ULK4: variants seen among roughly 807,000 people sequenced by gnomAD.
ULK4 encodes inactive serine/threonine-protein kinase ULK4.
A neutral mutation model predicts 160.6 loss-of-function variants in ULK4; 133 were observed. The ratio of observed to expected loss-of-function variants is 0.83; its 90% CI spans 0.72 to 0.96. The LOEUF (loss-of-function observed/expected upper bound fraction) is 0.96. Ranked by LOEUF, ULK4 falls within the 40% of genes least tolerant of loss-of-function variation. ULK4 has a pLI of 0.00. For synonymous variants in ULK4, 534 were observed against 539.8 expected (o/e 0.99, Z 0.15); for missense variants, 1,580 against 1,499.5 (o/e 1.05, Z -0.89).
intron 31 of ULK4, among the ~76,000 whole-genome samples, chr3:41,598,136 A>C (rs980411434): frequency 2.0e-5 from 3 of 152,164 alleles, no homozygotes; most frequent in African/African-American, 7.2e-5. Context: ...ATCAAAGCAG[A>C]GATGTCCTGG....
At chr3:41,703,833 T>G (rs1014193858) in intron 27 of ULK4, among the ~76,000 whole-genome samples, 3 of 93,306 alleles carry the variant, frequency 3.2e-5, no homozygotes, top group African/African-American at 1.2e-4. Flanking sequence ...TTAATGCGCA[T>G]GCACACACAC....
At chr3:41,458,508 G>A (rs367559208) in intron 33 of ULK4, among the ~76,000 whole-genome samples, 10 of 152,034 alleles carry the variant, frequency 6.6e-5, no homozygotes, top group Admixed American at 4.6e-4. Flanking sequence ...AGGCCGAGGC[G>A]GGTGGCCTGT....
intron 31 of ULK4, among the ~76,000 whole-genome samples, chr3:41,569,405 C>A (rs1326976952): frequency 3.3e-5 from 5 of 152,232 alleles, no homozygotes; most frequent in Non-Finnish European, 7.4e-5. Flanking sequence ...AAGACAGCAC[C>A]TGAAGACAGA....
chr3:41,769,791 T>A (rs1000834425), intron 21 of ULK4, among the ~76,000 whole-genome samples: 1 of 152,148 alleles, frequency 6.6e-6, no homozygotes, highest in African/African-American at 2.4e-5. Flanking sequence ...AAGGCAAATA[T>A]TAGATGGTAA....
At position 41,919,699 on chromosome 3, in the gene ULK4, T is replaced by G. The variant is rs1431337418; in HGVS notation, c.643+18A>C. On this transcript the variant is annotated intron_variant, in intron 6 of 36. Transcript: ENST00000301831. ...TTTAGTCCAGCTCTGATTTTATACC[T>G]ATTCAGGAAACAATTACCTGAAAAC... The G allele has an allele frequency of 6.3e-7, 1 of 1,598,718 alleles. No individual in the cohort carries two copies.
At chr3:41,257,649 AT>A (rs754850391) in intron 35 of ULK4, among the ~76,000 whole-genome samples, 273 of 145,728 alleles carry the variant, frequency 1.9e-3, no homozygotes, top group Non-Finnish European at 3.3e-3. Context: ...AAAAAAAAAA[AT>A]TAAACATAGT....
intron 32 of ULK4, among the ~76,000 whole-genome samples, chr3:41,508,008 T>C (rs2085452264): frequency 6.6e-6 from 1 of 152,214 alleles, no homozygotes; most frequent in Non-Finnish European, 1.5e-5. Context: ...GTTGGCTTGC[T>C]TTCTCAGCAG....
At position 41,250,324 on chromosome 3, in the gene ULK4, C is replaced by A. The variant is rs192618882; in HGVS notation, c.3679-750G>T. Among the ~76,000 whole-genome samples, 26 of 152,308 alleles carry A rather than the reference C, an allele frequency of 1.7e-4. No homozygotes were observed. In the East Asian group the frequency reaches 5.0e-3, roughly 29 times the overall value. On this transcript the variant is annotated intron_variant, in intron 35 of 36. Coordinates refer to ENST00000301831, the MANE Select transcript of ULK4 (RefSeq NM_017886.4). ...TGCTTCTCTTAATTCACCGTTGCCTCCTATTGTTATCTTTGTTAGTTTAAA... is the reference window on the plus strand; with the variant it reads ...TGCTTCTCTTAATTCACCGTTGCCTACTATTGTTATCTTTGTTAGTTTAAA...
At chr3:41,736,712 C>T (rs1319002017) in intron 22 of ULK4, among the ~76,000 whole-genome samples, 60 of 150,978 alleles carry the variant, frequency 4.0e-4, no homozygotes, top group Non-Finnish European at 3.2e-4. Flanking sequence ...TCCCATTTGT[C>T]AATTTTGTCT....
intron 11 of ULK4, among the ~76,000 whole-genome samples, chr3:41,909,573 A>G (rs912577449): frequency 6.6e-6 from 1 of 151,554 alleles, no homozygotes; most frequent in African/African-American, 2.4e-5. Flanking sequence ...AAATTAGCCA[A>G]GCTTGGTGGC....
chr3:41,923,380 T>C (rs931878006), intron 5 of ULK4, among the ~76,000 whole-genome samples: 1 of 152,048 alleles, frequency 6.6e-6, no homozygotes, highest in Non-Finnish European at 1.5e-5. Context: ...GCTCCTGTAA[T>C]TCCAGCTACT....
chr3:41,794,964 T>TA (rs2040261711), intron 20 of ULK4, among the ~76,000 whole-genome samples: 1 of 152,090 alleles, frequency 6.6e-6, no homozygotes, highest in South Asian at 2.1e-4. Context: ...GAAGGAGTGT[T>TA]ACAAGATGGA....
intron 30 of ULK4, among the ~76,000 whole-genome samples, chr3:41,645,174 T>C (rs976027904): frequency 1.3e-5 from 2 of 149,538 alleles, no homozygotes; most frequent in Non-Finnish European, 2.9e-5. Context: ...TTTGAAGGGT[T>C]TTTTGTGTCG....
chr3:41,461,476 G>A (rs2083682537), intron 33 of ULK4, among the ~76,000 whole-genome samples: 1 of 152,120 alleles, frequency 6.6e-6, no homozygotes, highest in South Asian at 2.1e-4. Flanking sequence ...TTGACACCAG[G>A]TGTCATGGAG....
At chr3:41,569,272 A>G (rs537427747) in intron 31 of ULK4, among the ~76,000 whole-genome samples, 86 of 152,174 alleles carry the variant, frequency 5.7e-4, no homozygotes, top group Middle Eastern at 3.4e-3. Flanking sequence ...TCCCCTCCCC[A>G]GAGGGTGGAG....
intron 34 of ULK4, among the ~76,000 whole-genome samples, chr3:41,411,420 C>CTTTTT (rs556696303): frequency 8.0e-4 from 115 of 143,060 alleles, no homozygotes; most frequent in African/African-American, 2.5e-3. Flanking sequence ...ACATTCCTTT[C>CTTTTT]TTTTTTTTTT....
chr3:41,800,400 C>G, intron 19 of ULK4, 107 bp from the exon 20 acceptor site: 1 of 1,116,764 alleles, frequency 9.0e-7, no homozygotes, highest in East Asian at 2.5e-5. Context: ...TAACATGCCT[C>G]TGGATGTGTT....
At position 41,717,826 on chromosome 3, in the gene ULK4, G is replaced by A. The variant is rs529332889; in HGVS notation, c.2357C>T (p.Thr786Ile). The A allele has an allele frequency of 3.1e-6, 5 of 1,614,100 alleles. No individual in the cohort carries two copies. The highest frequency in any genetic ancestry group is 4.2e-6 in the Non-Finnish European group (5 of 1,180,002). The stretch of plus-strand genomic sequence containing the variant: ...ACTTTGCTGCTCCTTGCCTGGAGTG[G>A]TCTTTCTGCTGTCTCTCTCGATGTA... ...VMYIERDSRK[T>I]TPGKEQQSGN... Residue 786 changes from threonine (T) to isoleucine (I), a missense_variant, in exon 23 of 37, where the codon ACC (threonine) becomes ATC (isoleucine). Coordinates refer to ENST00000301831, the MANE Select transcript of ULK4 (RefSeq NM_017886.4).
chr3:41,289,736 C>T (rs1309344926), intron 35 of ULK4, among the ~76,000 whole-genome samples: 1 of 152,024 alleles, frequency 6.6e-6, no homozygotes, highest in Non-Finnish European at 1.5e-5. Flanking sequence ...AGGGGAGAAG[C>T]CCAAGGAAGG....
Sources: allele counts gnomAD v4.1 joint callset (sites outside exome capture counted in the v4.1 genomes callset), GRCh38; gene constraint gnomAD v4.1.1; transcripts MANE v1.5; gene names NCBI Gene and HGNC (gene_info 2026-07-23, HGNC 2026-07-21).